VWC2: variants seen among roughly 807,000 people sequenced by gnomAD.
VWC2 encodes von Willebrand factor C domain containing 2.
VWC2 carries 14 observed loss-of-function variants against 29.8 expected under a neutral mutation model. The observed-to-expected ratio is 0.47, with a 90% CI of 0.31 to 0.74. The LOEUF (loss-of-function observed/expected upper bound fraction) is 0.74. VWC2 is among the 30% of genes least tolerant of loss of function. The pLI, the probability that VWC2 is intolerant of heterozygous loss-of-function variation, is 0.05. For missense variants in VWC2, 457 were observed against 459.8 expected, an observed-to-expected ratio of 0.99 and a Z score of 0.05; for synonymous variants, 213 against 199.0, an observed-to-expected ratio of 1.07 and a Z score of -0.59.
At chr7:49,841,304 C>T (rs1789787776) in intron 3 of VWC2, among the ~76,000 whole-genome samples, 1 of 127,360 alleles carries the variant, frequency 7.9e-6, no homozygotes, top group Admixed American at 7.8e-5. Context: ...GATGTTTACA[C>T]ATTACTTTTT....
At chr7:49,777,046 G>A (rs1038948083) in intron 2 of VWC2, among the ~76,000 whole-genome samples, 1 of 152,220 alleles carries the variant, frequency 6.6e-6, no homozygotes, top group Admixed American at 6.5e-5. Flanking sequence ...CAGCATGCAT[G>A]CACAGGCTCT....
At chr7:49,816,315 AG>A (rs2128708414) in intron 3 of VWC2, among the ~76,000 whole-genome samples, 1 of 152,348 alleles carries the variant, frequency 6.6e-6, no homozygotes, top group East Asian at 1.9e-4. Context: ...ATTCTGGTTA[AG>A]GGTGTCTGAA....
At chr7:49,903,718 C>T (rs1048509945) in intron 3 of VWC2, among the ~76,000 whole-genome samples, 5 of 152,052 alleles carry the variant, frequency 3.3e-5, no homozygotes, top group Admixed American at 6.5e-5. Flanking sequence ...GAAGTGGCTA[C>T]GTTGTCTGGG....
intron 3 of VWC2, among the ~76,000 whole-genome samples, chr7:49,838,255 C>T (rs1247623568): frequency 1.3e-5 from 2 of 152,222 alleles, no homozygotes; most frequent in East Asian, 1.9e-4. Context: ...AGGCAAAATG[C>T]TCTATGGATG....
intron 2 of VWC2, 73 bp from the exon 3 acceptor site, chr7:49,802,638 A>AAAAAAAT (rs1788769152): frequency 1.3e-6 from 2 of 1,579,996 alleles, no homozygotes; most frequent in Non-Finnish European, 1.7e-6. Context: ...ACTCCATTTC[A>AAAAAAAT]AAAAAATATA....
In VWC2 at chr7:49,852,037, C is replaced by T. The variant is rs181396737; in HGVS notation, c.826+49197C>T. On this transcript the variant is annotated intron_variant, in intron 3 of 3. Transcript: ENST00000340652. The stretch of plus-strand genomic sequence containing the variant: ...GTCAGCCTAGGGTCCGGATTTAATC[C>T]GGATTAAACCAATAACTGTATTGAG... Among the ~76,000 whole-genome samples the T allele has an allele frequency of 9.2e-5, 14 of 152,254 alleles. No individual in the cohort carries two copies. In the South Asian group the frequency reaches 1.0e-3, roughly 11 times the overall value.
intron 3 of VWC2, among the ~76,000 whole-genome samples, chr7:49,843,340 A>G (rs1324330994): frequency 6.6e-6 from 1 of 152,182 alleles, no homozygotes; most frequent in Non-Finnish European, 1.5e-5. Context: ...GAAACATCAG[A>G]TGTGAAAAAT....
intron 3 of VWC2, among the ~76,000 whole-genome samples, chr7:49,822,563 T>C (rs1276594940): frequency 2.0e-5 from 3 of 152,128 alleles, no homozygotes; most frequent in Admixed American, 2.0e-4. Context: ...CTCAGCCTCC[T>C]GAGTAGCTGG....
chr7:49,812,323 C>A (rs991070056), intron 3 of VWC2, among the ~76,000 whole-genome samples: 1 of 152,156 alleles, frequency 6.6e-6, no homozygotes, highest in Non-Finnish European at 1.5e-5. Flanking sequence ...CCTGAATAAA[C>A]CTTCTAAAAA....
chr7:49,775,641 A>C lies in VWC2; in HGVS notation c.206A>C (p.Glu69Ala). ...VNELGRPARD[E>A]GGSGRDWKSK... ...GAGCTCGGGCGCCCGGCGAGGGACG[A>C]GGGCGGCAGCGGCCGGGACTGGAAG... Residue 69 changes from glutamate (E) to alanine (A), a missense_variant, in exon 2 of 4, where the codon GAG becomes GCG. Around this residue, in one of 2 missense-constraint regions of VWC2, gnomAD observed 272 missense variants for 202.7 expected, o/e 1.34. Transcript: ENST00000340652. The C allele has an allele frequency of 6.5e-7, 1 of 1,529,132 alleles. No individual in the cohort carries two copies. Among genetic ancestry groups the C allele is most frequent in the Non-Finnish European group, 8.8e-7 (1 of 1,140,962 alleles). 94.7% of individuals were successfully genotyped at this position (1,529,132 alleles called of 1,614,324 possible). A position where few individuals can be genotyped will look rare whatever the true frequency, so the allele number is the denominator to read the frequency against.
rs1249315251 is a variant in VWC2 at position 49,825,050 on chromosome 7, T to C, written c.826+22210T>C. Among the ~76,000 whole-genome samples, 6 of 152,222 alleles carry C rather than the reference T, an allele frequency of 3.9e-5. No individual in the cohort carries two copies. The South Asian group carries it at 1.2e-3, about 31-fold the overall frequency. ...TGTTTATTTTCCCTGTATCTTTTTT[T>C]CTTTCTGTTCTTTACATTGGATAAT... On this transcript the variant is annotated intron_variant, in intron 3 of 3. Coordinates refer to ENST00000340652, the MANE Select transcript of VWC2 (RefSeq NM_198570.5).
chr7:49,908,207 T>C (rs571339877), intron 3 of VWC2, among the ~76,000 whole-genome samples: 1 of 152,362 alleles, frequency 6.6e-6, no homozygotes, highest in South Asian at 2.1e-4. Context: ...TCTATTTTAA[T>C]GGTAAAGCTG....
chr7:49,874,876 T>TG (rs1772231920), intron 3 of VWC2, among the ~76,000 whole-genome samples: 2 of 152,278 alleles, frequency 1.3e-5, no homozygotes, highest in South Asian at 4.2e-4. Context: ...GGCCAGAACC[T>TG]GCCTGTTGGT....
At chr7:49,902,283 A>C (rs1385557124) in intron 3 of VWC2, among the ~76,000 whole-genome samples, 2 of 152,026 alleles carry the variant, frequency 1.3e-5, no homozygotes, top group African/African-American at 2.4e-5. Flanking sequence ...TGCAAAAGAC[A>C]TAAAAAAAAC....
chr7:49,833,982 G>A (rs1415034763), intron 3 of VWC2, among the ~76,000 whole-genome samples: 1 of 152,180 alleles, frequency 6.6e-6, no homozygotes, highest in Non-Finnish European at 1.5e-5. Flanking sequence ...AGGATCATCA[G>A]CTTAGCTGTT....
At position 49,776,091 on chromosome 7, in the gene VWC2, A is replaced by G; in HGVS notation, c.656A>G (p.Glu219Gly). 6.4e-7 allele frequency: 1 copy of G among 1,551,988 alleles called. No homozygotes were observed. Residue 219 changes from glutamate to glycine, a missense_variant, in exon 2 of 4, where the codon GAG (glutamate) becomes GGG (glycine). Physicochemically the swap from Glu to Gly is moderately conservative, Grantham distance 98. Around this residue, in one of 2 missense-constraint regions of VWC2, gnomAD observed 185 missense variants for 257.1 expected, o/e 0.72. Coordinates refer to ENST00000340652, the MANE Select transcript of VWC2 (RefSeq NM_198570.5). The part of the protein sequence containing the change: ...PQCKERKNYC[E>G]FRGKTYQTLE... The stretch of plus-strand genomic sequence containing the variant: ...TGCAAGGAGAGGAAGAACTACTGCG[A>G]GTTCCGGGGCAAGACCTATCAGACT...
At chr7:49,848,380 G>A (rs1018310551) in intron 3 of VWC2, among the ~76,000 whole-genome samples, 1 of 152,180 alleles carries the variant, frequency 6.6e-6, no homozygotes. Flanking sequence ...GGAAGCAGGC[G>A]ACGCCCTGCA....
chr7:49,821,677 G>A (rs1391214471), intron 3 of VWC2, among the ~76,000 whole-genome samples: 1 of 150,972 alleles, frequency 6.6e-6, no homozygotes, highest in Non-Finnish European at 1.5e-5. Flanking sequence ...AAAAAAAAAA[G>A]CTTTTGGAAG....
At chr7:49,802,408 C>T (rs1447016816) in intron 2 of VWC2, among the ~76,000 whole-genome samples, 3 of 152,114 alleles carry the variant, frequency 2.0e-5, no homozygotes, top group African/African-American at 2.4e-5. Flanking sequence ...GAGGCTGAGG[C>T]GGGCAGATCA....
Sources: gnomAD v4.1 joint callset for allele counts (sites outside exome capture counted in the v4.1 genomes callset) on GRCh38, gnomAD v4.1.1 for gene constraint, gnomAD v4.1.1 regional missense constraint, MANE v1.5 for transcripts, NCBI Gene and HGNC (gene_info 2026-07-23, HGNC 2026-07-21) for gene names.